The following PODNL1 variants were observed in gnomAD, a reference collection of about 807,000 sequenced individuals.
PODNL1 encodes the protein podocan-like protein 1.
Under a neutral mutation model 45.1 loss-of-function variants are expected in PODNL1, and 50 were observed. That is an observed-to-expected ratio of 1.11 (90% CI 0.88 to 1.40). PODNL1 has a LOEUF of 1.40. Among genes scored for constraint, PODNL1 ranks in the 40% most tolerant of loss-of-function variants. PODNL1 has a pLI of 0.00. For missense variants in PODNL1, 788 were observed against 793.3 expected, an observed-to-expected ratio of 0.99 and a Z score of 0.08; for synonymous variants, 406 against 372.5, an observed-to-expected ratio of 1.09 and a Z score of -1.04.
At chr19:13,951,210 C>T (rs1973010698) in intron 1 of PODNL1, among the ~76,000 whole-genome samples, 1 of 151,906 alleles carries the variant, frequency 6.6e-6, no homozygotes, top group African/African-American at 2.4e-5. Flanking sequence ...CTTTGGGAGG[C>T]CAAGACGGGA....
intron 1 of PODNL1, among the ~76,000 whole-genome samples, chr19:13,949,900 AC>A (rs1466587042): frequency 6.6e-6 from 1 of 150,682 alleles, no homozygotes; most frequent in Admixed American, 6.6e-5. Context: ...TTGCTCTGTC[AC>A]CCAGGCTGCA....
At chr19:13,932,351 C>T (rs1401556821) in intron 8 of PODNL1, 5 of 506,402 alleles carry the variant, frequency 9.9e-6, no homozygotes, top group South Asian at 6.1e-5. Flanking sequence ...TGAATCGCAC[C>T]ATACCTCTTT....
chr19:13,942,840 C>A (rs1338537681), upstream of PODNL1, among the ~76,000 whole-genome samples: 4 of 150,236 alleles, frequency 2.7e-5, no homozygotes, highest in African/African-American at 9.8e-5. Context: ...CAAAAAAAAA[C>A]AACAAAAAAA....
chr19:13,952,793 G>C, intron 1 of PODNL1: 1 of 1,274,194 alleles, frequency 7.8e-7, no homozygotes, highest in Non-Finnish European at 1.0e-6. Flanking sequence ...CGGGGCCCGG[G>C]GGAGATGGCT....
chr19:13,934,497 C>CTGTG lies in PODNL1; in HGVS notation c.495-88_495-87insCACA. 4 of 1,211,000 alleles carry CTGTG rather than the reference C, an allele frequency of 3.3e-6. No individual in the cohort carries two copies. In the South Asian group the frequency reaches 5.1e-5, roughly 15 times the overall value. The allele number at this position is 1,211,000 out of a possible 1,614,324, so 75.0% of individuals were successfully genotyped here. On this transcript the variant is annotated intron_variant, in intron 5 of 9. Transcript: ENST00000588872. Reference sequence around the variant, plus strand: ...ACCACACCCTGCTCAGGGTCGCCTTCAGTGTGTGTGTGTGTGTGTGTGTGT... The same window carrying CTGTG: ...ACCACACCCTGCTCAGGGTCGCCTTCTGTGAGTGTGTGTGTGTGTGTGTGTGTGT...
At chr19:13,943,072 G>A (rs1365432371), upstream of PODNL1, among the ~76,000 whole-genome samples, 12 of 149,306 alleles carry the variant, frequency 8.0e-5, no homozygotes, top group Admixed American at 5.4e-4. Flanking sequence ...TGAGGCAGGC[G>A]GATCACCTGA....
chr19:13,947,490 AAAG>A (rs1452236888), intron 1 of PODNL1, among the ~76,000 whole-genome samples: 356 of 150,770 alleles, frequency 2.4e-3, no homozygotes, highest in African/African-American at 8.4e-3. Flanking sequence ...TCAAAAAAAA[AAAG>A]AAAAAAAAAA....
At position 13,933,384 on chromosome 19, in the gene PODNL1, C is replaced by T. The variant is rs780337115; in HGVS notation, c.839G>A (p.Arg280Gln). The change falls in exon 8 of 10, where the codon CGG (arginine) becomes CAG (glutamine). Residue 280 changes from arginine to glutamine, a missense_variant. Transcript: ENST00000588872. This position sits in a 1 kb window ranked among gnomAD's most constrained non-coding sequence, Gnocchi z 5.2. Reference protein sequence around the residue: ...QLTTVPAGLPRTLAILHLGRN... With the variant: ...QLTTVPAGLPQTLAILHLGRN... ...GCCCAGGTGCAGGATAGCCAGGGTC[C>T]GGGGCAGGCCGGCGGGCACTGTGGT... 37 of 1,606,538 alleles carry T rather than the reference C, an allele frequency of 2.3e-5. No homozygotes were observed. The highest frequency in any genetic ancestry group is 5.0e-5 in the Admixed American group (3 of 59,662).
rs1229253903 is a variant in PODNL1, at chr19:13,953,034, C to G, written c.18+85G>C. 3 of 1,462,338 alleles carry G rather than the reference C, an allele frequency of 2.1e-6. No homozygotes were observed. The African/African-American group carries it at 4.2e-5, about 21-fold the overall frequency. The allele number at this position is 1,462,338 out of a possible 1,614,324, so 90.6% of individuals were successfully genotyped here. A position where few individuals can be genotyped will look rare whatever the true frequency, so the allele number is the denominator to read the frequency against. ...ACCTTCCCGCCCCCTTTGCAGAGCC[C>G]CTGCCGCTGGCTTTGGGCTTCCTCC... is the stretch of plus-strand genomic sequence containing the variant. On this transcript the variant is annotated intron_variant, in intron 1 of 7. Coordinates refer to the PODNL1 transcript ENST00000538371.
chr19:13,937,835 G>T lies in PODNL1; in HGVS notation c.175C>A (p.Arg59=). ...DTVDCDGLDL[R]VFPDNITRAA... is the part of the protein sequence containing the mutation. ...CTGGTGATGTTGTCCGGGAACACTC[G>T]AAGGTCCAAGCCATCACAGTCCACA... The change falls in exon 2 of 10, where the codon CGA becomes AGA. Residue 59 remains arginine (R), a synonymous_variant. Coordinates refer to ENST00000588872, the MANE Select transcript of PODNL1 (RefSeq NM_001370095.3). 6.3e-7 allele frequency: 1 copy of T among 1,596,556 alleles called. No individual in the cohort carries two copies.
chr19:13,947,503 A>AG (rs917244358), intron 1 of PODNL1, among the ~76,000 whole-genome samples: 4 of 152,024 alleles, frequency 2.6e-5, no homozygotes, highest in Non-Finnish European at 5.9e-5. Context: ...GAAAAAAAAA[A>AG]GAATTGAGGT....
intron 1 of PODNL1, among the ~76,000 whole-genome samples, chr19:13,944,417 C>A (rs1972752690): frequency 6.6e-6 from 1 of 151,890 alleles, no homozygotes; most frequent in African/African-American, 2.4e-5. Context: ...CCTGCCTTGG[C>A]CTCCCAAAGT....
Position 13,931,671 on chromosome 19 carries a change from G to GTC in PODNL1, c.*64_*65dup, listed in dbSNP as rs1971946792. On this transcript the variant is annotated 3_prime_UTR_variant, in exon 10 of 10. Transcript: ENST00000588872. ...AGACCAAGGGCCCCTGGTGGGCGTT[G>GTC]TCTCCTCAGTCCACGGCCCAGCGGA... 8.1e-7 allele frequency: 1 copy of GTC among 1,228,960 alleles called. No homozygotes were observed. Among genetic ancestry groups the GTC allele is most frequent in the East Asian group, 3.2e-5 (1 of 31,686 alleles). 76.1% of individuals were successfully genotyped at this position (1,228,960 alleles called of 1,614,324 possible).
intron 8 of PODNL1, chr19:13,932,338 C>A: frequency 2.0e-6 from 1 of 490,120 alleles, no homozygotes; most frequent in Non-Finnish European, 3.3e-6. Flanking sequence ...ATGAGTCAGT[C>A]ATTGAATCGC....
At position 13,933,541 on chromosome 19, in the gene PODNL1, T is replaced by G; in HGVS notation, c.768-86A>C. 2 of 1,369,328 alleles carry G rather than the reference T, an allele frequency of 1.5e-6. No individual in the cohort carries two copies. Among genetic ancestry groups the G allele is most frequent in the Admixed American group, 2.4e-5 (1 of 41,178 alleles). The allele number at this position is 1,369,328 out of a possible 1,614,324, so 84.8% of individuals were successfully genotyped here. ...TGGCGGGGAGGCTGGGGAGTGGTCC[T>G]GAGACAGATTTAAGCTGGAGATTTT... On this transcript the variant is annotated intron_variant, in intron 7 of 9. Coordinates refer to ENST00000588872, the MANE Select transcript of PODNL1 (RefSeq NM_001370095.3). The surrounding 1 kb of genome is among the most constrained non-coding windows in gnomAD (Gnocchi z 5.2).
Position 13,931,719 on chromosome 19 carries a change from T to C in PODNL1, c.*18A>G. 8.1e-7 allele frequency: 1 copy of C among 1,231,794 alleles called. No individual in the cohort carries two copies. The highest frequency in any genetic ancestry group is 1.5e-5 in the African/African-American group (1 of 64,542). 76.3% of individuals were successfully genotyped at this position (1,231,794 alleles called of 1,614,324 possible). ...GGAGTCCCAGGAGTCTGAGCTGCTC[T>C]GCTGGGCCTCTCTAGGATCAGGGGC... On this transcript the variant is annotated 3_prime_UTR_variant, in exon 10 of 10. Transcript: ENST00000588872.
At chr19:13,948,942 GA>G (rs554640847) in intron 1 of PODNL1, among the ~76,000 whole-genome samples, 3,293 of 126,014 alleles carry the variant, frequency 0.026, 97 homozygotes, top group African/African-American at 0.079. Context: ...CTCTGTCTCA[GA>G]AAAAAAAAAA....
chr19:13,952,989 C>T (rs1457268412), intron 1 of PODNL1: 1 of 1,109,430 alleles, frequency 9.0e-7, no homozygotes, highest in South Asian at 1.4e-5. Context: ...GCTCTGCTCC[C>T]ATGGTTGCTC....
intron 5 of PODNL1, 110 bp from the exon 6 acceptor site, chr19:13,934,520 T>C: frequency 1.8e-6 from 2 of 1,100,352 alleles, no homozygotes; most frequent in Non-Finnish European, 2.5e-6. Flanking sequence ...TGTGTGTGTG[T>C]GTGTGTGCGC....
Sources: allele counts gnomAD v4.1 joint callset (sites outside exome capture counted in the v4.1 genomes callset), GRCh38; gene constraint gnomAD v4.1.1; non-coding constraint Gnocchi (gnomAD v3.1); transcripts MANE v1.5; gene names NCBI Gene and HGNC (gene_info 2026-07-23, HGNC 2026-07-21).